Variants in MAML3 observed in about 807,000 individuals in gnomAD.
The protein encoded by MAML3 is mastermind-like protein 3.
MAML3 carries 27 observed loss-of-function variants against 101.9 expected under a neutral mutation model. That is an observed-to-expected ratio of 0.27 (90% CI 0.20 to 0.37). The LOEUF is 0.37. Among genes scored for constraint, MAML3 ranks in the 10% least tolerant of loss-of-function variants. MAML3 has a pLI of 1.00. For synonymous variants in MAML3, 501 were observed against 555.9 expected (o/e 0.90, Z 1.39); for missense variants, 1,316 against 1,444.9 (o/e 0.91, Z 1.45).
chr4:139,868,011 T>C (rs149934109), intron 2 of MAML3, among the ~76,000 whole-genome samples: 218 of 152,346 alleles, frequency 1.4e-3, no homozygotes, highest in African/African-American at 4.9e-3. Flanking sequence ...AGAAGTCCAA[T>C]CTGTCAAGCA....
chr4:139,835,085 T>C (rs1032198021), intron 2 of MAML3, among the ~76,000 whole-genome samples: 1 of 152,252 alleles, frequency 6.6e-6, no homozygotes, highest in Non-Finnish European at 1.5e-5. Context: ...TCCCCACTTC[T>C]GATGTGTGTT....
chr4:139,736,985 G>T (rs1280111896), intron 2 of MAML3, among the ~76,000 whole-genome samples: 1 of 152,168 alleles, frequency 6.6e-6, no homozygotes, highest in Non-Finnish European at 1.5e-5. Context: ...GCAAACCCAA[G>T]AATTCTGAAA....
intron 1 of MAML3, among the ~76,000 whole-genome samples, chr4:140,053,855 A>G (rs1727309344): frequency 6.6e-6 from 1 of 152,160 alleles, no homozygotes; most frequent in African/African-American, 2.4e-5. Context: ...AATCTTTTCA[A>G]CCATTTAAAC....
At chr4:139,786,406 T>C (rs988146501) in intron 2 of MAML3, among the ~76,000 whole-genome samples, 3 of 152,166 alleles carry the variant, frequency 2.0e-5, no homozygotes, top group Admixed American at 2.0e-4. Context: ...GGCATCATTT[T>C]AGCTGATATA....
chr4:140,100,669 A>C (rs2110995616), intron 1 of MAML3, among the ~76,000 whole-genome samples: 1 of 152,208 alleles, frequency 6.6e-6, no homozygotes, highest in Non-Finnish European at 1.5e-5. Context: ...GATTTCAAAA[A>C]CCTCAGCAAA....
chr4:140,109,329 AT>A (rs1286311451), intron 1 of MAML3, among the ~76,000 whole-genome samples: 1 of 152,220 alleles, frequency 6.6e-6, no homozygotes, highest in Non-Finnish European at 1.5e-5. Flanking sequence ...TTGGAATTTC[AT>A]GATAATGATT....
chr4:139,966,101 G>C (rs1160664836), intron 1 of MAML3, among the ~76,000 whole-genome samples: 2 of 152,122 alleles, frequency 1.3e-5, no homozygotes, highest in Non-Finnish European at 2.9e-5. Flanking sequence ...GAACACAAAT[G>C]ATTTTGGCAG....
At chr4:139,996,418 T>C (rs1240690532) in intron 1 of MAML3, among the ~76,000 whole-genome samples, 1 of 152,154 alleles carries the variant, frequency 6.6e-6, no homozygotes, top group African/African-American at 2.4e-5. Flanking sequence ...GTTCTGTGTG[T>C]TTCTGTTTCA....
chr4:140,151,303 T>A (rs1464638816), intron 1 of MAML3, among the ~76,000 whole-genome samples: 1 of 147,910 alleles, frequency 6.8e-6, no homozygotes, highest in Non-Finnish European at 1.5e-5. Context: ...GGAGGAGGGG[T>A]TGAGCGCCCC....
At chr4:140,063,735 G>A (rs1403879843) in intron 1 of MAML3, among the ~76,000 whole-genome samples, 1 of 151,860 alleles carries the variant, frequency 6.6e-6, no homozygotes, top group Non-Finnish European at 1.5e-5. Context: ...CTGACCATCT[G>A]GAACACTATA....
At chr4:139,826,284 CA>C (rs964754493) in intron 2 of MAML3, among the ~76,000 whole-genome samples, 2 of 151,998 alleles carry the variant, frequency 1.3e-5, no homozygotes, top group African/African-American at 4.8e-5. Context: ...GTGTATGCCA[CA>C]AGGAGTATCA....
chr4:140,132,955 C>T (rs1474201970), intron 1 of MAML3: 4 of 314,218 alleles, frequency 1.3e-5, no homozygotes, highest in African/African-American at 8.7e-5. Context: ...TCAGTCCACT[C>T]TTTGATAAGA....
intron 1 of MAML3, chr4:140,133,971 C>T (rs1391797794): frequency 2.2e-5 from 8 of 356,260 alleles, no homozygotes; most frequent in Non-Finnish European, 2.8e-5. Flanking sequence ...TCATTTTTAC[C>T]CTCACCATTT....
chr4:139,892,450 C>G (rs949259309), intron 1 of MAML3, among the ~76,000 whole-genome samples: 1 of 152,074 alleles, frequency 6.6e-6, no homozygotes, highest in Admixed American at 6.5e-5. Context: ...TGTTACTGTC[C>G]TTGGCCAGGA....
intron 2 of MAML3, among the ~76,000 whole-genome samples, chr4:139,797,964 C>T (rs1730539873): frequency 6.8e-6 from 1 of 146,660 alleles, no homozygotes; most frequent in Non-Finnish European, 1.5e-5. Context: ...GTGAAGGGAC[C>T]TGAAGTATAA....
At chr4:139,843,109 C>T (rs984145204) in intron 2 of MAML3, among the ~76,000 whole-genome samples, 8 of 152,028 alleles carry the variant, frequency 5.3e-5, no homozygotes, top group Non-Finnish European at 7.4e-5. Context: ...TAGCTGCAGA[C>T]GCTTTCTCCA....
intron 2 of MAML3, among the ~76,000 whole-genome samples, chr4:139,844,340 T>A (rs1731407316): frequency 1.3e-5 from 2 of 152,264 alleles, no homozygotes; most frequent in Non-Finnish European, 2.9e-5. Flanking sequence ...ATGGTGATGG[T>A]AATTGAAACA....
chr4:139,943,864 C>CTTTGTTTTTTTTTTTTTTT (rs1733652819), intron 1 of MAML3, among the ~76,000 whole-genome samples: 1 of 65,824 alleles, frequency 1.5e-5, no homozygotes, highest in Non-Finnish European at 2.8e-5. Flanking sequence ...CTAAAGACAA[C>CTTTGTTTTTTTTTTTTTTT]TTTTTTTTTT....
At chr4:139,997,592 A>G (rs1734841580) in intron 1 of MAML3, among the ~76,000 whole-genome samples, 1 of 152,080 alleles carries the variant, frequency 6.6e-6, no homozygotes, top group African/African-American at 2.4e-5. Flanking sequence ...AAATAAGATA[A>G]ATATAATTAT....
Sources: allele counts gnomAD v4.1 joint callset (sites outside exome capture counted in the v4.1 genomes callset), GRCh38; gene constraint gnomAD v4.1.1; transcripts MANE v1.5; gene names NCBI Gene and HGNC (gene_info 2026-07-23, HGNC 2026-07-21).